KIRREL3: variants seen among roughly 807,000 people sequenced by gnomAD.
KIRREL3 encodes kirre like nephrin family adhesion molecule 3.
In KIRREL3, 36 loss-of-function variants were observed where a neutral mutation model predicts 89.7. The ratio of observed to expected loss-of-function variants is 0.40; its 90% CI spans 0.31 to 0.53. The LOEUF (loss-of-function observed/expected upper bound fraction) is 0.53. KIRREL3 is among the 20% of genes least tolerant of loss of function. The probability of loss-of-function intolerance (pLI) is 0.49; values close to 1 mark genes in which losing one functional copy is unlikely to be tolerated. For synonymous variants in KIRREL3, 445 were observed against 441.4 expected (o/e 1.01, Z -0.10); for missense variants, 864 against 1,056.6 (o/e 0.82, Z 2.53).
rs2134166282 is a variant in KIRREL3 at position 126,719,605 on chromosome 11, A to G, written c.56-156693T>C. ...CAGCCAACTCCTGCCTTCACCACAC[A>G]GCCCCTCCCGCTAGATCCTGTCAAA... On this transcript the variant is annotated intron_variant, in intron 1 of 16. Coordinates refer to ENST00000525144, the MANE Select transcript of KIRREL3 (RefSeq NM_032531.4). This position sits in a 1 kb window ranked among gnomAD's most constrained non-coding sequence, Gnocchi z 4.7. Among the ~76,000 whole-genome samples, 1 of 152,222 alleles carries G rather than the reference A, an allele frequency of 6.6e-6. No homozygotes were observed. The highest frequency in any genetic ancestry group is 6.5e-5 in the Admixed American group (1 of 15,286).
chr11:126,535,016 A>G lies in KIRREL3; in HGVS notation c.134-8329T>C, dbSNP rs1366836344. Among the ~76,000 whole-genome samples, 3 of 152,254 alleles carry G rather than the reference A, an allele frequency of 2.0e-5. No homozygotes were observed. In the South Asian group the frequency reaches 6.2e-4, roughly 32 times the overall value. ...TGGGAGGAAGTGTGGAGGTGGCAGC[A>G]GCAGTGACAGGTGTGGCCTGGCCTA... On this transcript the variant is annotated intron_variant, in intron 2 of 16. Coordinates refer to ENST00000525144, the MANE Select transcript of KIRREL3 (RefSeq NM_032531.4). The surrounding 1 kb of genome is among the most constrained non-coding windows in gnomAD (Gnocchi z 4.5).
rs1350699241 is a variant in KIRREL3 at position 126,535,922 on chromosome 11, T to G, written c.134-9235A>C. 1.3e-5 allele frequency among the ~76,000 whole-genome samples: 2 copies of G among 152,006 alleles called. No individual in the cohort carries two copies. Among genetic ancestry groups the G allele is most frequent in the African/African-American group, 4.8e-5 (2 of 41,382 alleles). On this transcript the variant is annotated intron_variant, in intron 2 of 16. Coordinates refer to ENST00000525144, the MANE Select transcript of KIRREL3 (RefSeq NM_032531.4). This position sits in a 1 kb window ranked among gnomAD's most constrained non-coding sequence, Gnocchi z 4.5. ...ATCCATAGAACCTGGGAGGCGGAGG[T>G]TGCAGTGAGCCAAGATCGCACCATT... is the stretch of plus-strand genomic sequence containing the variant.
Position 126,537,004 on chromosome 11 carries a change from G to C in KIRREL3, c.134-10317C>G, listed in dbSNP as rs1016850005. 1.3e-5 allele frequency among the ~76,000 whole-genome samples: 2 copies of C among 152,116 alleles called. No individual in the cohort carries two copies. Among genetic ancestry groups the C allele is most frequent in the Non-Finnish European group, 2.9e-5 (2 of 68,032 alleles). On this transcript the variant is annotated intron_variant, in intron 2 of 16. Transcript: ENST00000525144. This position sits in a 1 kb window ranked among gnomAD's most constrained non-coding sequence, Gnocchi z 4.3. ...GCGGCTCAGAGGCAGGCAGGAGGTG[G>C]CTCAAGGGTGGGCTCAATCCCTGCC...
intron 1 of KIRREL3, among the ~76,000 whole-genome samples, chr11:126,932,506 A>G (rs1202313709): frequency 2.0e-5 from 3 of 152,204 alleles, no homozygotes; most frequent in Admixed American, 1.3e-4. Context: ...TATGACCATC[A>G]ACATTAGTAT....
rs1350006341 is a variant in KIRREL3 at position 126,428,745 on chromosome 11, C to T, written c.1806+434G>A. Among the ~76,000 whole-genome samples the T allele has an allele frequency of 6.6e-6, 1 of 152,154 alleles. No homozygotes were observed. Among genetic ancestry groups the T allele is most frequent in the Non-Finnish European group, 1.5e-5 (1 of 68,022 alleles). ...CACTGCAACCTCCACCTCCTGGGTT[C>T]AAGCAATTCTCCTGCCTCAGCTTCC... On this transcript the variant is annotated intron_variant, in intron 15 of 16. Transcript: ENST00000525144. The surrounding 1 kb of genome is among the most constrained non-coding windows in gnomAD (Gnocchi z 6.4).
intron 1 of KIRREL3, among the ~76,000 whole-genome samples, chr11:126,925,184 T>G (rs886809589): frequency 6.7e-6 from 1 of 149,798 alleles, no homozygotes; most frequent in African/African-American, 2.4e-5. Flanking sequence ...TGTCTCCACC[T>G]GCCACACACC....
At chr11:126,856,555 G>GTATATATATATA (rs36218965) in intron 1 of KIRREL3, among the ~76,000 whole-genome samples, 35 of 136,718 alleles carry the variant, frequency 2.6e-4, no homozygotes, top group Non-Finnish European at 4.1e-4. Context: ...ATTTTTCTAA[G>GTATATATATATA]TATATATATA....
At chr11:126,841,811 C>T (rs61898263) in intron 1 of KIRREL3, among the ~76,000 whole-genome samples, 1 of 152,182 alleles carries the variant, frequency 6.6e-6, no homozygotes, top group African/African-American at 2.4e-5. Flanking sequence ...TCTCAACAGG[C>T]CCCGAAGGTC....
At chr11:126,938,236 C>T (rs1276926770) in intron 1 of KIRREL3, among the ~76,000 whole-genome samples, 1 of 152,206 alleles carries the variant, frequency 6.6e-6, no homozygotes, top group Non-Finnish European at 1.5e-5. Flanking sequence ...CATCAAAATG[C>T]CAGCAACTTG....
chr11:126,467,636 T>C (rs1283818273), intron 5 of KIRREL3, among the ~76,000 whole-genome samples: 1 of 145,390 alleles, frequency 6.9e-6, no homozygotes, highest in East Asian at 1.9e-4. Flanking sequence ...TCCCTTTTTT[T>C]TTTTTTTTAA....
Position 126,484,275 on chromosome 11 carries a change from G to A in KIRREL3, c.434-10809C>T, listed in dbSNP as rs151232999. 2.9e-3 allele frequency among the ~76,000 whole-genome samples: 444 copies of A among 152,206 alleles called. 2 individuals carry two copies. The highest frequency in any genetic ancestry group is 9.9e-3 in the African/African-American group (410 of 41,506). On this transcript the variant is annotated intron_variant, in intron 4 of 16. Transcript: ENST00000525144. The surrounding 1 kb of genome is among the most constrained non-coding windows in gnomAD (Gnocchi z 5.2). Reference sequence around the variant, plus strand: ...ACAGTTGCAGGGTAGGAGTCCTGGCGCCTCTTTGCCTGTCTCCCATTGCCT... The same window carrying A: ...ACAGTTGCAGGGTAGGAGTCCTGGCACCTCTTTGCCTGTCTCCCATTGCCT...
chr11:126,779,359 G>A (rs1368878572), intron 1 of KIRREL3, among the ~76,000 whole-genome samples: 1 of 152,086 alleles, frequency 6.6e-6, no homozygotes, highest in Non-Finnish European at 1.5e-5. Flanking sequence ...CTGTGACCCA[G>A]CACAGGGCAT....
intron 1 of KIRREL3, among the ~76,000 whole-genome samples, chr11:126,650,722 T>TG (rs1944874796): frequency 6.6e-6 from 1 of 152,224 alleles, no homozygotes; most frequent in South Asian, 2.1e-4. Context: ...TGTCTTCTTC[T>TG]GGGCCCTCTA....
rs544433333 is a variant in KIRREL3, at chr11:126,911,542, C to T, written c.55+88913G>A. ...CAGGAAAGCTCAGCCCAGATTTCTG[C>T]TGTGCCCCTCCTCTCTCCCCGCAGC... On this transcript the variant is annotated intron_variant, in intron 1 of 16. Transcript: ENST00000525144. Among the ~76,000 whole-genome samples, 3 of 152,296 alleles carry T rather than the reference C, an allele frequency of 2.0e-5. No individual in the cohort carries two copies. The South Asian group carries it at 6.2e-4, about 32-fold the overall frequency.
chr11:126,485,532 G>A lies in KIRREL3; in HGVS notation c.434-12066C>T, dbSNP rs11820177. On this transcript the variant is annotated intron_variant, in intron 4 of 16. Transcript: ENST00000525144. The surrounding 1 kb of genome is among the most constrained non-coding windows in gnomAD (Gnocchi z 5.8). ...TAATGTCATAGATATTATAGTAGCT[G>A]TTGTACAGGGCTGGTGTGCTGTTTA... is the stretch of plus-strand genomic sequence containing the variant. 0.023 allele frequency among the ~76,000 whole-genome samples: 3,479 copies of A among 152,304 alleles called. 141 individuals are homozygous for A. Among genetic ancestry groups the A allele is most frequent in the African/African-American group, 0.075 (3,107 of 41,558 alleles).
At chr11:126,554,195 T>A (rs957870429) in intron 2 of KIRREL3, among the ~76,000 whole-genome samples, 1 of 152,182 alleles carries the variant, frequency 6.6e-6, no homozygotes, top group African/African-American at 2.4e-5. Flanking sequence ...TTAGAATGTT[T>A]CTCTGACATC....
Position 126,897,073 on chromosome 11 carries a change from C to T in KIRREL3, c.55+103382G>A, listed in dbSNP as rs1946192262. On this transcript the variant is annotated intron_variant, in intron 1 of 16. Coordinates refer to ENST00000525144, the MANE Select transcript of KIRREL3 (RefSeq NM_032531.4). The surrounding 1 kb of genome is among the most constrained non-coding windows in gnomAD (Gnocchi z 4.2). ...TCTCTTCCCTGCTCTTCCTCTTATC[C>T]AAGTTATTAAAATACGAAAGATCAT... Among the ~76,000 whole-genome samples, 1 of 152,048 alleles carries T rather than the reference C, an allele frequency of 6.6e-6. No homozygotes were observed. The highest frequency in any genetic ancestry group is 2.4e-5 in the African/African-American group (1 of 41,398).
In KIRREL3 at chr11:126,843,990, G is replaced by A. The variant is rs1293822454; in HGVS notation, c.55+156465C>T. Among the ~76,000 whole-genome samples, 1 of 152,164 alleles carries A rather than the reference G, an allele frequency of 6.6e-6. No homozygotes were observed. The highest frequency in any genetic ancestry group is 2.4e-5 in the African/African-American group (1 of 41,432). On this transcript the variant is annotated intron_variant, in intron 1 of 16. Transcript: ENST00000525144. The surrounding 1 kb of genome is among the most constrained non-coding windows in gnomAD (Gnocchi z 4.6). ...GCAGCCCTCAGAACTGCTGTCTATGGAGTAGCCATTCTTTTGTTCCTTTAC... is the reference window on the plus strand; with the variant it reads ...GCAGCCCTCAGAACTGCTGTCTATGAAGTAGCCATTCTTTTGTTCCTTTAC...
At position 126,796,028 on chromosome 11, in the gene KIRREL3, A is replaced by G. The variant is rs1592139919; in HGVS notation, c.55+204427T>C. Among the ~76,000 whole-genome samples, 1 of 152,200 alleles carries G rather than the reference A, an allele frequency of 6.6e-6. No homozygotes were observed. Among genetic ancestry groups the G allele is most frequent in the South Asian group, 2.1e-4 (1 of 4,808 alleles). On this transcript the variant is annotated intron_variant, in intron 1 of 16. Transcript: ENST00000525144. The surrounding 1 kb of genome is among the most constrained non-coding windows in gnomAD (Gnocchi z 5.1). ...CATACAGCCAGTAATAAGCCACTCC[A>G]CTGTCATGTCTTCATTTAAATTGTT...
Sources: allele counts gnomAD v4.1 joint callset (sites outside exome capture counted in the v4.1 genomes callset), GRCh38; gene constraint gnomAD v4.1.1; non-coding constraint Gnocchi (gnomAD v3.1); transcripts MANE v1.5; gene names NCBI Gene and HGNC (gene_info 2026-07-23, HGNC 2026-07-21).